GOLM1: variants seen among roughly 807,000 people sequenced by gnomAD.
GOLM1 encodes the protein epididymis luminal protein 46.
Under a neutral mutation model 50.5 loss-of-function variants are expected in GOLM1, and 31 were observed. That is an observed-to-expected ratio of 0.61 (90% CI 0.46 to 0.83). The LOEUF (loss-of-function observed/expected upper bound fraction) is 0.83, where lower values mean the gene tolerates loss of function less well. Among genes scored for constraint, GOLM1 ranks in the 40% least tolerant of loss-of-function variants. The pLI is 0.00. For synonymous variants in GOLM1, 178 were observed against 192.8 expected (o/e 0.92, Z 0.64); for missense variants, 491 against 501.3 (o/e 0.98, Z 0.20).
At chr9:86,036,738 C>G (rs1338694617) in intron 6 of GOLM1, 1 of 540,908 alleles carries the variant, frequency 1.8e-6, no homozygotes, top group African/African-American at 1.9e-5. Flanking sequence ...CAGAATAAAA[C>G]TGGGCAGTGA....
chr9:86,073,945 A>G (rs760003018), intron 3 of GOLM1, among the ~76,000 whole-genome samples: 2 of 152,210 alleles, frequency 1.3e-5, no homozygotes, highest in Non-Finnish European at 2.9e-5. Flanking sequence ...CATTATGAAC[A>G]GGTGTTTGTT....
intron 3 of GOLM1, among the ~76,000 whole-genome samples, chr9:86,065,675 T>C (rs1048732140): frequency 6.6e-6 from 1 of 152,184 alleles, no homozygotes; most frequent in Non-Finnish European, 1.5e-5. Flanking sequence ...CCTCTCTGGC[T>C]CTCACTCTCT....
At chr9:86,045,812 A>G (rs1164885257) in intron 5 of GOLM1, among the ~76,000 whole-genome samples, 2 of 152,158 alleles carry the variant, frequency 1.3e-5, no homozygotes, top group African/African-American at 2.4e-5. Flanking sequence ...GGAGAGAGGT[A>G]AGTCAAAGGG....
rs529571460 is a variant in GOLM1 at position 86,027,178 on chromosome 9, A to T, written c.*639T>A. The T allele has an allele frequency of 1.8e-3, 1,799 of 984,994 alleles. 1 individual carries two copies. The highest frequency in any genetic ancestry group is 2.0e-3 in the Non-Finnish European group (1,696 of 829,876). The allele number at this position is 984,994 out of a possible 1,614,324, so 61.0% of individuals were successfully genotyped here. ...CACTTAATAGCGTTTTGTACATTAA[A>T]AATGACAAGGGTTATTATACAAGTA... On this transcript the variant is annotated 3_prime_UTR_variant, in exon 10 of 10. Transcript: ENST00000388712.
intron 3 of GOLM1, among the ~76,000 whole-genome samples, chr9:86,070,060 T>A (rs1003902247): frequency 6.6e-6 from 1 of 151,916 alleles, no homozygotes; most frequent in Non-Finnish European, 1.5e-5. Context: ...ATTTTTTGTA[T>A]TTTTGGTAGA....
intron 1 of GOLM1, among the ~76,000 whole-genome samples, chr9:86,086,065 G>T (rs1010897584): frequency 1.3e-5 from 2 of 152,164 alleles, no homozygotes; most frequent in Non-Finnish European, 2.9e-5. Context: ...TTCCACAATG[G>T]TTGAACTAAC....
chr9:86,042,722 T>C (rs1833399940), intron 5 of GOLM1, among the ~76,000 whole-genome samples: 1 of 152,126 alleles, frequency 6.6e-6, no homozygotes, highest in Non-Finnish European at 1.5e-5. Context: ...CCTTTAAACC[T>C]GCAAAAGGGA....
At chr9:86,030,610 A>C (rs969896309) in intron 9 of GOLM1, among the ~76,000 whole-genome samples, 1 of 151,582 alleles carries the variant, frequency 6.6e-6, no homozygotes. Flanking sequence ...TCCACGATAA[A>C]GAACACTAAA....
At chr9:86,028,376 C>G (rs1034561344) in intron 9 of GOLM1, among the ~76,000 whole-genome samples, 1 of 152,166 alleles carries the variant, frequency 6.6e-6, no homozygotes, top group Non-Finnish European at 1.5e-5. Flanking sequence ...GAAATTCGGC[C>G]AAGGACAGTA....
At chr9:86,034,003 C>T (rs190647211) in intron 8 of GOLM1, among the ~76,000 whole-genome samples, 145 of 147,146 alleles carry the variant, frequency 9.9e-4, no homozygotes, top group African/African-American at 3.5e-3. Context: ...CTCACTCTGT[C>T]GCCCAGGCTG....
intron 3 of GOLM1, among the ~76,000 whole-genome samples, chr9:86,061,231 C>T (rs914114856): frequency 1.3e-5 from 2 of 152,064 alleles, no homozygotes; most frequent in Non-Finnish European, 2.9e-5. Context: ...CTGCCAAGTA[C>T]AATTTTTTAA....
At chr9:86,086,143 G>A (rs752047582) in intron 1 of GOLM1, among the ~76,000 whole-genome samples, 36 of 152,142 alleles carry the variant, frequency 2.4e-4, no homozygotes, top group Non-Finnish European at 3.1e-4. Context: ...GTGGTTTCCT[G>A]ACTTTTTAAT....
At position 86,026,404 on chromosome 9, in the gene GOLM1, G is replaced by A. The variant is rs1437438453; in HGVS notation, c.*1413C>T. On this transcript the variant is annotated 3_prime_UTR_variant, in exon 10 of 10. Transcript: ENST00000388712. ...GAATGTTTAAGTTGGAGGTGGCAAC[G>A]TGAATTGCAAACAGGGCCTGCTTCA... The A allele has an allele frequency of 2.0e-6, 2 of 985,252 alleles. No homozygotes were observed. Among genetic ancestry groups the A allele is most frequent in the East Asian group, 1.1e-4 (1 of 8,792 alleles). The allele number at this position is 985,252 out of a possible 1,614,324, so 61.0% of individuals were successfully genotyped here. A position where few individuals can be genotyped will look rare whatever the true frequency, so the allele number is the denominator to read the frequency against.
rs1480471476 is a variant in GOLM1 at position 86,027,506 on chromosome 9, A to C, written c.*311T>G. 1.7e-6 allele frequency: 2 copies of C among 1,149,838 alleles called. No individual in the cohort carries two copies. The highest frequency in any genetic ancestry group is 2.1e-6 in the Non-Finnish European group (2 of 933,682). 71.2% of individuals were successfully genotyped at this position (1,149,838 alleles called of 1,614,324 possible). ...TAATTTACACAAAGTTATATTCCAGAATCAGGAAGCCCCGCTGTCGCCAAC... is the reference window on the plus strand; with the variant it reads ...TAATTTACACAAAGTTATATTCCAGCATCAGGAAGCCCCGCTGTCGCCAAC... On this transcript the variant is annotated 3_prime_UTR_variant, in exon 10 of 10. Coordinates refer to ENST00000388712, the MANE Select transcript of GOLM1 (RefSeq NM_016548.4).
intron 1 of GOLM1, among the ~76,000 whole-genome samples, chr9:86,083,338 A>T (rs1834844504): frequency 1.3e-5 from 2 of 152,232 alleles, no homozygotes; most frequent in African/African-American, 4.8e-5. Flanking sequence ...ATCACAAAAA[A>T]GTCTATACAT....
Position 86,027,061 on chromosome 9 carries a change from G to GCTTTTCTTGGTA in GOLM1, c.*744_*755dup, listed in dbSNP as rs1271051282. On this transcript the variant is annotated 3_prime_UTR_variant, in exon 10 of 10. Transcript: ENST00000388712. ...TTGTCAAAAACCTAATCTGCTTCTT[G>GCTTTTCTTGGTA]CTTTTCTTGGTAATATATATTTAGG... is the stretch of plus-strand genomic sequence containing the variant. The GCTTTTCTTGGTA allele has an allele frequency of 2.0e-6, 2 of 985,162 alleles. No homozygotes were observed. Among genetic ancestry groups the GCTTTTCTTGGTA allele is most frequent in the Admixed American group, 1.2e-4 (2 of 16,252 alleles). 61.0% of individuals were successfully genotyped at this position (985,162 alleles called of 1,614,324 possible).
intron 4 of GOLM1, among the ~76,000 whole-genome samples, chr9:86,050,247 G>A (rs1833697661): frequency 6.6e-6 from 1 of 152,156 alleles, no homozygotes. Context: ...GCTTTTTGAT[G>A]TGCTGCTGGA....
chr9:86,089,138 G>C (rs1835092489), intron 1 of GOLM1, among the ~76,000 whole-genome samples: 1 of 152,206 alleles, frequency 6.6e-6, no homozygotes, highest in Non-Finnish European at 1.5e-5. Context: ...CTGTTAGTCT[G>C]ATGGGCTTCC....
chr9:86,027,690 T>C lies in GOLM1; in HGVS notation c.*127A>G, dbSNP rs1832828217. 7 of 1,425,600 alleles carry C rather than the reference T, an allele frequency of 4.9e-6. No individual in the cohort carries two copies. The highest frequency in any genetic ancestry group is 1.9e-4 in the Middle Eastern group (1 of 5,284). 88.3% of individuals were successfully genotyped at this position (1,425,600 alleles called of 1,614,324 possible). A position where few individuals can be genotyped will look rare whatever the true frequency, so the allele number is the denominator to read the frequency against. ...CCTACACAAAGTGCATACTAAAATT[T>C]CACAATAATCATCTTCAGATGTACA... On this transcript the variant is annotated 3_prime_UTR_variant, in exon 10 of 10. Transcript: ENST00000388712.
Sources: allele counts gnomAD v4.1 joint callset (sites outside exome capture counted in the v4.1 genomes callset), GRCh38; gene constraint gnomAD v4.1.1; transcripts MANE v1.5; gene names NCBI Gene and HGNC (gene_info 2026-07-23, HGNC 2026-07-21).